The following PKD1L1 variants were observed in gnomAD, a reference collection of about 807,000 sequenced individuals.
PKD1L1 encodes the protein polycystin-1-like protein 1.
PKD1L1 carries 236 observed loss-of-function variants against 323.4 expected under a neutral mutation model. That is an observed-to-expected ratio of 0.73 (90% CI 0.66 to 0.81). The LOEUF is 0.81. Ranked by LOEUF, PKD1L1 falls within the 40% of genes least tolerant of loss-of-function variation. The probability of loss-of-function intolerance (pLI) is 0.00; values close to 1 mark genes in which losing one functional copy is unlikely to be tolerated. For synonymous variants in PKD1L1, 1,344 were observed against 1,335.0 expected (o/e 1.01, Z -0.15); for missense variants, 3,320 against 3,508.0 (o/e 0.95, Z 1.35).
At chr7:47,853,019 G>GATGTTTT in intron 31 of PKD1L1, 108 bp downstream of exon 31, 1 of 763,550 alleles carries the variant, frequency 1.3e-6, no homozygotes, top group Non-Finnish European at 2.2e-6. Context: ...AAAGGATTCT[G>GATGTTTT]ATGTTTTTGT....
intron 26 of PKD1L1, among the ~76,000 whole-genome samples, chr7:47,860,811 A>AGG (rs1554403870): frequency 2.6e-5 from 4 of 151,764 alleles, no homozygotes; most frequent in Non-Finnish European, 4.4e-5. Flanking sequence ...AGAGATGCAC[A>AGG]AGAGGGACAA....
At chr7:47,817,149 T>G (rs967633771) in intron 46 of PKD1L1, among the ~76,000 whole-genome samples, 2 of 152,178 alleles carry the variant, frequency 1.3e-5, no homozygotes, top group African/African-American at 4.8e-5. Context: ...GAGAATCGCT[T>G]GAACCCAGGA....
chr7:47,873,780 A>G lies in PKD1L1; in HGVS notation c.3896+119T>C, dbSNP rs1294080000. On this transcript the variant is annotated intron_variant, in intron 24 of 56. Coordinates refer to ENST00000289672, the MANE Select transcript of PKD1L1 (RefSeq NM_138295.5). ...GCACCCGGACTTTTTTATTTGCTCC[A>G]TCTTAAGAAGATGAGTTCCTGACAT... The G allele has an allele frequency of 1.1e-4, 74 of 690,486 alleles. No homozygotes were observed. In the Admixed American group the frequency reaches 2.2e-3, roughly 21 times the overall value. The allele number at this position is 690,486 out of a possible 1,614,324, so 42.8% of individuals were successfully genotyped here. A position where few individuals can be genotyped will look rare whatever the true frequency, so the allele number is the denominator to read the frequency against.
chr7:47,797,939 A>T (rs1184788730), intron 54 of PKD1L1, among the ~76,000 whole-genome samples: 2 of 152,352 alleles, frequency 1.3e-5, no homozygotes, highest in East Asian at 3.9e-4. Flanking sequence ...AAAAAATCAA[A>T]GAGTATCTAA....
chr7:47,949,129 G>A (rs867794568), upstream of PKD1L1, among the ~76,000 whole-genome samples: 3 of 151,854 alleles, frequency 2.0e-5, no homozygotes, highest in Admixed American at 2.0e-4. Context: ...CCAACACTTT[G>A]GGAGGTCGAG....
chr7:47,934,913 A>G (rs563447560), intron 4 of PKD1L1, among the ~76,000 whole-genome samples: 9 of 152,162 alleles, frequency 5.9e-5, no homozygotes, highest in Admixed American at 4.6e-4. Flanking sequence ...TCACCCAAGC[A>G]CTTCGGATTT....
intron 45 of PKD1L1, among the ~76,000 whole-genome samples, chr7:47,822,148 G>C (rs1305407610): frequency 1.3e-5 from 2 of 152,146 alleles, no homozygotes; most frequent in African/African-American, 4.8e-5. Flanking sequence ...ATGCTGCCTT[G>C]GTTTCTGCAG....
At chr7:47,917,651 A>G (rs1787457264) in intron 7 of PKD1L1, among the ~76,000 whole-genome samples, 1 of 152,212 alleles carries the variant, frequency 6.6e-6, no homozygotes, top group Non-Finnish European at 1.5e-5. Context: ...AAACCCTATA[A>G]GCCGGAAGGG....
chr7:47,900,405 T>C (rs1583659809), intron 13 of PKD1L1, among the ~76,000 whole-genome samples: 1 of 152,196 alleles, frequency 6.6e-6, no homozygotes, highest in South Asian at 2.1e-4. Context: ...TGCAGAACAA[T>C]GTACAGACAG....
chr7:47,864,609 TTTCTTTCTTTCTTTCTTTCTTTCTTTCC>T (rs1323628457), intron 26 of PKD1L1, among the ~76,000 whole-genome samples: 11 of 115,848 alleles, frequency 9.5e-5, no homozygotes, highest in Admixed American at 5.2e-4. Context: ...TCTTTCTTTC[TTTCTTTCTTTCTTTCTTTCTTTCTTTCC>T]TTCCTTCCTT....
rs77481846 is a variant in PKD1L1, at chr7:47,784,049, C to T, written c.8526+8578G>A. Among the ~76,000 whole-genome samples the T allele has an allele frequency of 1.1e-3, 164 of 152,242 alleles. No individual in the cohort carries two copies. In the East Asian group the frequency reaches 0.015, roughly 14 times the overall value. On this transcript the variant is annotated intron_variant, in intron 56 of 56. Transcript: ENST00000289672. ...GCCCTGGTTTATATCCTTAGTGCCT[C>T]GAGTGCCATTCTAGCACACATCTAA... is the stretch of plus-strand genomic sequence containing the variant.
intron 1 of PKD1L1, among the ~76,000 whole-genome samples, chr7:47,944,709 C>A (rs1788061405): frequency 6.6e-6 from 1 of 152,222 alleles, no homozygotes; most frequent in Non-Finnish European, 1.5e-5. Context: ...CTCCCTAGGC[C>A]TTGACAGCTG....
intron 46 of PKD1L1, chr7:47,819,464 A>G (rs1451087932): frequency 3.5e-6 from 4 of 1,147,796 alleles, no homozygotes; most frequent in South Asian, 1.5e-5. Flanking sequence ...TTAGATTTCC[A>G]TTTCCATTGA....
intron 54 of PKD1L1, among the ~76,000 whole-genome samples, chr7:47,799,215 G>A (rs1186870733): frequency 6.6e-6 from 1 of 152,182 alleles, no homozygotes; most frequent in African/African-American, 2.4e-5. Context: ...TAGGTGGACA[G>A]GTAACTAGTT....
At chr7:47,917,424 A>AT (rs933320669) in intron 7 of PKD1L1, among the ~76,000 whole-genome samples, 1 of 152,178 alleles carries the variant, frequency 6.6e-6, no homozygotes, top group African/African-American at 2.4e-5. Context: ...ATTGAGGGGA[A>AT]TAAACTTCCC....
At chr7:47,819,654 A>C (rs542250231) in intron 46 of PKD1L1, 33 of 1,130,916 alleles carry the variant, frequency 2.9e-5, no homozygotes, top group East Asian at 9.9e-5. Context: ...AAAAAAAAAA[A>C]CAAAACAACT....
chr7:47,843,517 T>C (rs1454070992), intron 33 of PKD1L1, among the ~76,000 whole-genome samples: 1 of 152,194 alleles, frequency 6.6e-6, no homozygotes, highest in South Asian at 2.1e-4. Flanking sequence ...GCAATACAAA[T>C]ATACAAAATT....
In PKD1L1 at chr7:47,803,280, C is replaced by T. The variant is rs747521865; in HGVS notation, c.7892G>A (p.Gly2631Asp). The T allele has an allele frequency of 6.2e-7, 1 of 1,614,086 alleles. No homozygotes were observed. The change falls in exon 53 of 57, where the codon GGC (glycine) becomes GAC (aspartate). Residue 2631 changes from glycine to aspartate, a missense_variant. By Grantham distance (94) the Gly-to-Asp change is moderately conservative. Coordinates refer to ENST00000289672, the MANE Select transcript of PKD1L1 (RefSeq NM_138295.5). The stretch of plus-strand genomic sequence containing the variant: ...GCAGGATGCCATTGTGTTTTGAATG[C>T]CAGGAAGATAGACGCATTTTAATGT... ...LFTLKCVYLPGIQNTMASCSS... is the reference protein window; with the variant it reads ...LFTLKCVYLPDIQNTMASCSS...
In PKD1L1 at chr7:47,886,042, C is replaced by G; in HGVS notation, c.2849G>C (p.Arg950Thr). Reference protein sequence around the residue: ...EKNRIEVPFCRVVGLLGSLGL... With the variant: ...EKNRIEVPFCTVVGLLGSLGL... ...CAGCGAGCCAAGCAGCCCCACTACT[C>G]TGCAGAAGGGAACTTAAGCAAACGT... Residue 950 changes from arginine (R) to threonine (T), a missense_variant, in exon 18 of 57, where the codon AGA becomes ACA. Coordinates refer to ENST00000289672, the MANE Select transcript of PKD1L1 (RefSeq NM_138295.5). 1 of 1,608,998 alleles carries G rather than the reference C, an allele frequency of 6.2e-7. No individual in the cohort carries two copies.
Sources: gnomAD v4.1 joint callset for allele counts (sites outside exome capture counted in the v4.1 genomes callset) on GRCh38, gnomAD v4.1.1 for gene constraint, MANE v1.5 for transcripts, NCBI Gene and HGNC (gene_info 2026-07-23, HGNC 2026-07-21) for gene names.